Variants in GRB10 observed in about 807,000 individuals in gnomAD.
GRB10 encodes the protein growth factor receptor bound protein 10.
In GRB10, 20 loss-of-function variants were observed where a neutral mutation model predicts 80.9. The observed-to-expected ratio is 0.25, with a 90% confidence interval of 0.17 to 0.36. GRB10 has a LOEUF of 0.36. Among genes scored for constraint, GRB10 ranks in the 10% least tolerant of loss-of-function variants. The probability of loss-of-function intolerance (pLI) is 1.00; values close to 1 mark genes in which losing one functional copy is unlikely to be tolerated. For synonymous variants in GRB10, 291 were observed against 291.5 expected, an observed-to-expected ratio of 1.00 and a Z score of 0.02; for missense variants, 548 against 747.7, an observed-to-expected ratio of 0.73 and a Z score of 3.12.
chr7:50,656,225 C>T (rs1316543240), intron 7 of GRB10, among the ~76,000 whole-genome samples: 1 of 152,188 alleles, frequency 6.6e-6, no homozygotes, highest in Non-Finnish European at 1.5e-5. Flanking sequence ...GAGATGTGCA[C>T]ACATGTGAGG....
At chr7:50,724,543 T>G (rs950783898) in intron 4 of GRB10, among the ~76,000 whole-genome samples, 1 of 152,092 alleles carries the variant, frequency 6.6e-6, no homozygotes, top group Admixed American at 6.5e-5. Context: ...CAATGAGGGA[T>G]GGGAGGATGG....
chr7:50,590,733 G>C lies in GRB10; in HGVS notation c.*2219C>G, dbSNP rs1309974176. 6.6e-6 allele frequency: 1 copy of C among 152,596 alleles called. No individual in the cohort carries two copies. The highest frequency in any genetic ancestry group is 6.5e-5 in the Admixed American group (1 of 15,284). 9.5% of individuals were successfully genotyped at this position (152,596 alleles called of 1,614,324 possible). A position where few individuals can be genotyped will look rare whatever the true frequency, so the allele number is the denominator to read the frequency against. ...CCCAGCCGCCCAGCGCGAGGCCAGCGAGCTGGGGCCTTAGGAAGTCTGCCG... is the reference window on the plus strand; with the variant it reads ...CCCAGCCGCCCAGCGCGAGGCCAGCCAGCTGGGGCCTTAGGAAGTCTGCCG... On this transcript the variant is annotated 3_prime_UTR_variant, in exon 19 of 19. Coordinates refer to ENST00000401949, the MANE Select transcript of GRB10 (RefSeq NM_001350814.2).
intron 10 of GRB10, among the ~76,000 whole-genome samples, chr7:50,616,927 C>A (rs139056567): frequency 6.6e-6 from 1 of 152,186 alleles, no homozygotes; most frequent in South Asian, 2.1e-4. Flanking sequence ...GGTCATGGAG[C>A]GAAGTTGGGG....
At chr7:50,684,277 A>AAAAAAAAAC (rs2061862729) in intron 5 of GRB10, among the ~76,000 whole-genome samples, 1 of 150,888 alleles carries the variant, frequency 6.6e-6, no homozygotes, top group African/African-American at 2.4e-5. Flanking sequence ...CAAAAAAAAA[A>AAAAAAAAAC]AAAAAAAAAA....
chr7:50,689,627 T>C (rs375138352), intron 5 of GRB10, among the ~76,000 whole-genome samples: 37 of 152,208 alleles, frequency 2.4e-4, no homozygotes, highest in African/African-American at 8.7e-4. Context: ...ACTGTAAGGA[T>C]TGACTGCAAA....
At chr7:50,673,617 T>C (rs2060588768) in intron 6 of GRB10, among the ~76,000 whole-genome samples, 1 of 151,994 alleles carries the variant, frequency 6.6e-6, no homozygotes, top group Admixed American at 6.6e-5. Context: ...TCATCTCCCA[T>C]CCGGGGGCTC....
chr7:50,717,991 AC>A (rs1250711389), intron 4 of GRB10, among the ~76,000 whole-genome samples: 3 of 152,174 alleles, frequency 2.0e-5, no homozygotes, highest in African/African-American at 4.8e-5. Context: ...CTCCTCTGTC[AC>A]TCCAGGGAGT....
intron 7 of GRB10, among the ~76,000 whole-genome samples, chr7:50,643,564 TC>T (rs1299791925): frequency 1.3e-5 from 2 of 152,174 alleles, no homozygotes; most frequent in Non-Finnish European, 2.9e-5. Context: ...ATATGAACAA[TC>T]GGGGAAACCT....
chr7:50,775,056 C>G (rs890791192), intron 2 of GRB10, among the ~76,000 whole-genome samples: 1 of 148,610 alleles, frequency 6.7e-6, no homozygotes, highest in South Asian at 2.1e-4. Flanking sequence ...AGCTACTCAG[C>G]AGGCTGAAGT....
intron 10 of GRB10, among the ~76,000 whole-genome samples, chr7:50,617,041 TC>T (rs985943824): frequency 2.4e-4 from 37 of 152,140 alleles, no homozygotes; most frequent in African/African-American, 8.4e-4. Context: ...CCTGGGTCAG[TC>T]CTTCTTGAGT....
At chr7:50,630,799 T>C (rs1158480511) in intron 7 of GRB10, among the ~76,000 whole-genome samples, 1 of 152,192 alleles carries the variant, frequency 6.6e-6, no homozygotes, top group African/African-American at 2.4e-5. Flanking sequence ...GGGGGAGGAA[T>C]GGTTTGCAAA....
chr7:50,765,190 C>A (rs1175828463), intron 2 of GRB10, among the ~76,000 whole-genome samples: 2 of 152,122 alleles, frequency 1.3e-5, no homozygotes, highest in African/African-American at 4.8e-5. Context: ...GAGAATGTAC[C>A]AAAGGGGACC....
At chr7:50,626,381 A>G (rs549147268) in intron 8 of GRB10, among the ~76,000 whole-genome samples, 2 of 152,322 alleles carry the variant, frequency 1.3e-5, no homozygotes, top group African/African-American at 2.4e-5. Flanking sequence ...TTTGCTGCCT[A>G]TAACCATGGC....
intron 2 of GRB10, among the ~76,000 whole-genome samples, chr7:50,780,109 A>G (rs1253752215): frequency 6.6e-6 from 1 of 152,206 alleles, no homozygotes; most frequent in African/African-American, 2.4e-5. Context: ...AACAAAGCCC[A>G]TTCCACATGA....
intron 5 of GRB10, among the ~76,000 whole-genome samples, chr7:50,678,953 G>C (rs1037179787): frequency 2.0e-5 from 3 of 152,234 alleles, no homozygotes; most frequent in Non-Finnish European, 4.4e-5. Context: ...ATGTTAACTT[G>C]ACGCCAAAAT....
At chr7:50,771,439 C>G (rs1238819639) in intron 2 of GRB10, among the ~76,000 whole-genome samples, 1 of 152,184 alleles carries the variant, frequency 6.6e-6, no homozygotes, top group Non-Finnish European at 1.5e-5. Flanking sequence ...CCCCTGCCTC[C>G]TGCATAAGCC....
intron 5 of GRB10, among the ~76,000 whole-genome samples, chr7:50,697,385 G>A (rs956172474): frequency 6.6e-6 from 1 of 152,184 alleles, no homozygotes; most frequent in Non-Finnish European, 1.5e-5. Context: ...TCAAAGAAAA[G>A]TACATCCCTC....
At chr7:50,717,412 C>G (rs568328152) in intron 4 of GRB10, among the ~76,000 whole-genome samples, 2 of 152,022 alleles carry the variant, frequency 1.3e-5, no homozygotes, top group Non-Finnish European at 1.5e-5. Flanking sequence ...ATGCTGCCAC[C>G]GCAAGGAGAG....
At chr7:50,788,583 A>G (rs1350547008) in intron 1 of GRB10, among the ~76,000 whole-genome samples, 5 of 152,232 alleles carry the variant, frequency 3.3e-5, no homozygotes, top group Non-Finnish European at 1.5e-5. Context: ...TAATGACACA[A>G]TGATGAGGAC....
Sources: gnomAD v4.1 joint callset for allele counts (sites outside exome capture counted in the v4.1 genomes callset) on GRCh38, gnomAD v4.1.1 for gene constraint, MANE v1.5 for transcripts, NCBI Gene and HGNC (gene_info 2026-07-23, HGNC 2026-07-21) for gene names.